Variants in EMC3 observed in about 807,000 individuals in gnomAD.
EMC3 encodes the protein ER membrane protein complex subunit 3.
In EMC3, 13 loss-of-function variants were observed where a neutral mutation model predicts 36.6. The observed-to-expected ratio is 0.35, with a 90% CI of 0.23 to 0.56. The LOEUF is 0.56. Ranked by LOEUF, EMC3 falls within the 20% of genes least tolerant of loss-of-function variation. EMC3 has a pLI of 0.84. For synonymous variants in EMC3, 120 were observed against 111.9 expected, an observed-to-expected ratio of 1.07 and a Z score of -0.46; for missense variants, 220 against 324.5, an observed-to-expected ratio of 0.68 and a Z score of 2.47.
intron 1 of EMC3, among the ~76,000 whole-genome samples, chr3:9,995,343 T>A (rs1448350037): frequency 6.6e-6 from 1 of 151,798 alleles, no homozygotes. Context: ...ATTTAACCCA[T>A]ATGGGAAAAA....
At chr3:9,995,485 AT>A (rs2086111617) in intron 1 of EMC3, among the ~76,000 whole-genome samples, 1 of 150,006 alleles carries the variant, frequency 6.7e-6, no homozygotes, top group South Asian at 2.1e-4. Flanking sequence ...TGAAGCCAGC[AT>A]TACTAGATAA....
At chr3:10,002,812 C>T (rs978895616) in intron 1 of EMC3, 2 of 455,780 alleles carry the variant, frequency 4.4e-6, no homozygotes, top group Admixed American at 4.7e-5. Flanking sequence ...TGTGTCTTCC[C>T]CCTCCACGCA....
At chr3:9,972,330 G>T (rs1404878264) in intron 5 of EMC3, among the ~76,000 whole-genome samples, 1 of 152,008 alleles carries the variant, frequency 6.6e-6, no homozygotes, top group Non-Finnish European at 1.5e-5. Flanking sequence ...ACTTTCTGGG[G>T]GTTGATACAT....
At chr3:9,975,112 G>A (rs1182249525) in intron 3 of EMC3, among the ~76,000 whole-genome samples, 5 of 152,018 alleles carry the variant, frequency 3.3e-5, no homozygotes, top group African/African-American at 1.2e-4. Flanking sequence ...TGATCTGCCT[G>A]CCTCGGTCTC....
intron 1 of EMC3, among the ~76,000 whole-genome samples, chr3:9,998,984 T>C (rs984471775): frequency 2.0e-4 from 30 of 152,164 alleles, no homozygotes; most frequent in Non-Finnish European, 1.0e-4. Context: ...TCTCGAACTT[T>C]TGAGCTTAGG....
At chr3:9,970,903 T>G (rs2085778357) in intron 5 of EMC3, among the ~76,000 whole-genome samples, 1 of 151,244 alleles carries the variant, frequency 6.6e-6, no homozygotes. Context: ...CTAGAGGAAA[T>G]CACAAGTGTT....
chr3:9,990,207 G>A (rs2086031156), upstream of EMC3, among the ~76,000 whole-genome samples: 2 of 150,622 alleles, frequency 1.3e-5, no homozygotes, highest in South Asian at 4.2e-4. Context: ...TGTATTTTTA[G>A]TAGAGATGGG....
At chr3:10,007,660 CAT>C (rs2086279818) in intron 1 of EMC3, 2 of 1,348,788 alleles carry the variant, frequency 1.5e-6, no homozygotes, top group Non-Finnish European at 2.0e-6. Context: ...TGGGGGCTTT[CAT>C]AAGGTAGGTT....
At chr3:9,973,808 CT>C in intron 4 of EMC3, 99 bp from the exon 5 acceptor site, 1 of 1,157,368 alleles carries the variant, frequency 8.6e-7, no homozygotes. Context: ...TGCCACATAG[CT>C]TTTGGAAAAC....
chr3:9,991,323 A>G (rs1257370907), upstream of EMC3, among the ~76,000 whole-genome samples: 3 of 152,162 alleles, frequency 2.0e-5, no homozygotes, highest in Non-Finnish European at 4.4e-5. Flanking sequence ...ATCCACAAGG[A>G]ATCTACAGAT....
At chr3:9,967,550 A>G (rs1483865729) in intron 7 of EMC3, among the ~76,000 whole-genome samples, 8 of 152,198 alleles carry the variant, frequency 5.3e-5, no homozygotes. Flanking sequence ...TGAACTCTCC[A>G]TTTTATTCCA....
intron 1 of EMC3, among the ~76,000 whole-genome samples, chr3:9,977,981 T>C (rs2085867091): frequency 6.6e-6 from 1 of 151,680 alleles, no homozygotes; most frequent in African/African-American, 2.4e-5. Context: ...TACTAGGTGA[T>C]CTTAAATCAA....
intron 1 of EMC3, among the ~76,000 whole-genome samples, chr3:9,993,774 C>T (rs1164116454): frequency 6.6e-6 from 1 of 151,968 alleles, no homozygotes; most frequent in Non-Finnish European, 1.5e-5. Flanking sequence ...AGAGCATGAT[C>T]ACTTCTTTTA....
chr3:9,984,943 T>C (rs2085954038), intron 1 of EMC3, among the ~76,000 whole-genome samples: 3 of 152,228 alleles, frequency 2.0e-5, no homozygotes, highest in Non-Finnish European at 2.9e-5. Flanking sequence ...ATGTACCTCA[T>C]AGAGTTGCTT....
In EMC3 at chr3:9,963,540, T is replaced by C. The variant is rs534181591; in HGVS notation, c.*529A>G. On this transcript the variant is annotated 3_prime_UTR_variant, in exon 8 of 8. Coordinates refer to ENST00000245046, the MANE Select transcript of EMC3 (RefSeq NM_001394674.1). ...CCCAGGCTGGAGCGCAGTGGCACGA[T>C]GTCAGCTCACTGCATCCTCCGCCTC... 1 of 147,664 alleles carries C rather than the reference T, an allele frequency of 6.8e-6. No homozygotes were observed. Among genetic ancestry groups the C allele is most frequent in the South Asian group, 2.1e-4 (1 of 4,710 alleles). 9.1% of individuals were successfully genotyped at this position (147,664 alleles called of 1,614,324 possible). A position where few individuals can be genotyped will look rare whatever the true frequency, so the allele number is the denominator to read the frequency against.
chr3:10,002,466 T>C (rs1182103802), intron 1 of EMC3, among the ~76,000 whole-genome samples: 1 of 151,954 alleles, frequency 6.6e-6, no homozygotes, highest in Non-Finnish European at 1.5e-5. Context: ...CTGTATTTTC[T>C]ATAGAGATGA....
At chr3:9,984,376 G>A (rs936873776) in intron 1 of EMC3, among the ~76,000 whole-genome samples, 10 of 151,718 alleles carry the variant, frequency 6.6e-5, no homozygotes, top group Admixed American at 3.3e-4. Flanking sequence ...CACCACACCC[G>A]GCCAGTAAGT....
At chr3:9,995,946 C>CA (rs2086118548) in intron 1 of EMC3, among the ~76,000 whole-genome samples, 2 of 151,728 alleles carry the variant, frequency 1.3e-5, no homozygotes, top group Non-Finnish European at 2.9e-5. Context: ...TTTATTCTTA[C>CA]CACAAACATT....
intron 4 of EMC3, 44 bp from the exon 5 acceptor site, chr3:9,973,753 T>C (rs3732967): frequency 0.19 from 302,995 of 1,559,490 alleles, 31,604 homozygotes; most frequent in African/African-American, 0.36. Context: ...GCTGTTTTAT[T>C]TTTAGAATAA....
Sources: gnomAD v4.1 joint callset for allele counts (sites outside exome capture counted in the v4.1 genomes callset) on GRCh38, gnomAD v4.1.1 for gene constraint, MANE v1.5 for transcripts, NCBI Gene and HGNC (gene_info 2026-07-23, HGNC 2026-07-21) for gene names.